JADE3: variants seen among roughly 807,000 people sequenced by gnomAD.
The protein encoded by JADE3 is jade family PHD finger 3.
Under a neutral mutation model 50.1 loss-of-function variants are expected in JADE3, and 2 were observed. The ratio of observed to expected loss-of-function variants is 0.04; its 90% CI spans 0.02 to 0.13. The LOEUF (loss-of-function observed/expected upper bound fraction) is 0.13, where lower values mean the gene tolerates loss of function less well. Among genes scored for constraint, JADE3 ranks in the 10% least tolerant of loss-of-function variants. JADE3 has a pLI of 1.00. For synonymous variants in JADE3, 218 were observed against 232.9 expected (o/e 0.94, Z 0.58); for missense variants, 475 against 634.4 (o/e 0.75, Z 2.70).
Position 47,059,569 on chromosome X carries a change from T to C in JADE3, c.*492T>C, listed in dbSNP as rs1266291917. ...GAGACCAGGAGACCACCATCTTAGATACTGTCAAACTCACTACTGTCTTCC... is the reference window on the plus strand; with the variant it reads ...GAGACCAGGAGACCACCATCTTAGACACTGTCAAACTCACTACTGTCTTCC... On this transcript the variant is annotated 3_prime_UTR_variant, in exon 11 of 11. Coordinates refer to ENST00000614628, the MANE Select transcript of JADE3 (RefSeq NM_014735.5). 3.5e-5 allele frequency: 4 copies of C among 113,581 alleles called. No individual in the cohort carries two copies. Among genetic ancestry groups the C allele is most frequent in the Non-Finnish European group, 7.4e-5 (4 of 54,419 alleles). 9.4% of individuals were successfully genotyped at this position (113,581 alleles called of 1,213,427 possible). A position where few individuals can be genotyped will look rare whatever the true frequency, so the allele number is the denominator to read the frequency against.
chrX:47,028,137 G>A, intron 6 of JADE3, 34 bp downstream of exon 6: 1 of 1,040,397 alleles, frequency 9.6e-7, no homozygotes, highest in Middle Eastern at 2.8e-4. Context: ...TCTCCCTACG[G>A]TCAGCCTTTC....
At chrX:47,048,074 T>C (rs962929466) in intron 8 of JADE3, among the ~76,000 whole-genome samples, 12 of 111,376 alleles carry the variant, frequency 1.1e-4, no homozygotes, top group Non-Finnish European at 1.7e-4. Context: ...TGTTCAGCGA[T>C]TTTATTGAGA....
At chrX:46,953,241 T>G (rs998696665) in intron 1 of JADE3, among the ~76,000 whole-genome samples, 27 of 78,863 alleles carry the variant, frequency 3.4e-4, no homozygotes, top group Non-Finnish European at 5.2e-4. Context: ...CACTCCAGTT[T>G]CTCTGAGCAT....
At chrX:47,035,382 A>G (rs1177218134) in intron 7 of JADE3, among the ~76,000 whole-genome samples, 1 of 112,021 alleles carries the variant, frequency 8.9e-6, no homozygotes, top group Non-Finnish European at 1.9e-5. Flanking sequence ...ATGGCTATAG[A>G]CATCAGTATT....
chrX:46,961,418 A>G (rs1927255967), intron 1 of JADE3, among the ~76,000 whole-genome samples: 2 of 112,560 alleles, frequency 1.8e-5, no homozygotes, highest in Admixed American at 1.9e-4. Context: ...AAAACAGTAA[A>G]TGAACAAAGG....
At chrX:47,010,066 T>C (rs1928523860) in intron 4 of JADE3, among the ~76,000 whole-genome samples, 1 of 111,411 alleles carries the variant, frequency 9.0e-6, no homozygotes, top group Admixed American at 9.6e-5. Flanking sequence ...TAAGTGATGT[T>C]TTAAATCAAA....
rs140569972 is a variant in JADE3 at position 46,979,538 on chromosome X, G to A, written c.-11-5346G>A. On this transcript the variant is annotated intron_variant, in intron 1 of 10. Coordinates refer to ENST00000614628, the MANE Select transcript of JADE3 (RefSeq NM_014735.5). ...CATCCATATGGAGGTTATATTCAGT[G>A]GGAACATAAACTTTCATTTCTCTGG... 7.9e-3 allele frequency among the ~76,000 whole-genome samples: 884 copies of A among 111,778 alleles called. 10 individuals are homozygous for A. The highest frequency in any genetic ancestry group is 0.012 in the Non-Finnish European group (616 of 53,147).
intron 8 of JADE3, 65 bp from the exon 9 acceptor site, chrX:47,054,093 C>A: frequency 1.3e-6 from 1 of 785,562 alleles, no homozygotes; most frequent in Non-Finnish European, 1.8e-6. Flanking sequence ...AATTTAGGTC[C>A]AGAAACATAG....
intron 1 of JADE3, among the ~76,000 whole-genome samples, chrX:46,962,577 A>G (rs1021600698): frequency 1.8e-5 from 2 of 110,301 alleles, no homozygotes; most frequent in Non-Finnish European, 1.9e-5. Context: ...TTGAATTGAG[A>G]AAAAAAAATG....
chrX:46,942,096 C>G lies in JADE3; in HGVS notation c.-12+29377C>G, dbSNP rs1450589315. 2.7e-5 allele frequency among the ~76,000 whole-genome samples: 3 copies of G among 110,350 alleles called. No homozygotes were observed. In the East Asian group the frequency reaches 8.4e-4, roughly 31 times the overall value. On this transcript the variant is annotated intron_variant, in intron 1 of 10. Transcript: ENST00000614628. Reference sequence around the variant, plus strand: ...TTTCACTTGTTGAATTTTTTAAGTTCCTTATAGATTCTAGATATTAGACCT... The same window carrying G: ...TTTCACTTGTTGAATTTTTTAAGTTGCTTATAGATTCTAGATATTAGACCT...
rs1556374935 is a variant in JADE3 at position 47,060,386 on chromosome X, G to A, written c.*1309G>A. 9.0e-6 allele frequency: 1 copy of A among 111,646 alleles called. No homozygotes were observed. The highest frequency in any genetic ancestry group is 3.8e-4 in the South Asian group (1 of 2,626). The allele number at this position is 111,646 out of a possible 1,213,427, so 9.2% of individuals were successfully genotyped here. On this transcript the variant is annotated 3_prime_UTR_variant, in exon 11 of 11. Coordinates refer to ENST00000614628, the MANE Select transcript of JADE3 (RefSeq NM_014735.5). ...ATTCTCTTTCTTCTAGTTTTGGAAA[G>A]TGTAGTGGGAATATTCAGACAAAAG...
intron 1 of JADE3, among the ~76,000 whole-genome samples, chrX:46,937,746 C>T (rs1248450735): frequency 9.0e-6 from 1 of 111,616 alleles, no homozygotes; most frequent in Non-Finnish European, 1.9e-5. Context: ...TTTGGGAGGC[C>T]GAGGCGGGCA....
At chrX:46,992,282 C>T (rs999845780) in intron 3 of JADE3, among the ~76,000 whole-genome samples, 3 of 109,792 alleles carry the variant, frequency 2.7e-5, no homozygotes, top group Non-Finnish European at 3.8e-5. Context: ...CTCCAGGTAC[C>T]GCCCCCTGCC....
At chrX:46,992,439 G>A (rs1348923978) in intron 3 of JADE3, among the ~76,000 whole-genome samples, 6 of 94,411 alleles carry the variant, frequency 6.4e-5, no homozygotes, top group African/African-American at 2.5e-4. Context: ...AGCATCCAGC[G>A]ATTCAAAATT....
At chrX:46,979,993 C>T in intron 1 of JADE3, among the ~76,000 whole-genome samples, 1 of 105,777 alleles carries the variant, frequency 9.5e-6, no homozygotes, top group African/African-American at 3.5e-5. Flanking sequence ...AATTCTCATG[C>T]CTCAGCCTCC....
rs1297998809 is a variant in JADE3, at chrX:47,054,265, A to C, written c.1080A>C (p.Ser360=). The C allele has an allele frequency of 8.3e-7, 1 of 1,209,346 alleles. No homozygotes were observed. Among genetic ancestry groups the C allele is most frequent in the Non-Finnish European group, 1.1e-6 (1 of 894,163 alleles). Residue 360 remains serine, a synonymous_variant, in exon 9 of 11, where the codon TCA becomes TCC. Transcript: ENST00000614628. ...AGGGAGACGAAGTGAAGTTCAAGTC[A>C]TATTGCCTCAAGCATAGCCAAAACA... ...LDEGDEVKFK[S]YCLKHSQNRQ...
intron 1 of JADE3, among the ~76,000 whole-genome samples, chrX:46,952,345 G>A (rs782726634): frequency 8.9e-6 from 1 of 112,051 alleles, no homozygotes; most frequent in Non-Finnish European, 1.9e-5. Context: ...TTTCTGTGGG[G>A]TGTAGTTCAA....
rs782743485 is a variant in JADE3 at position 47,038,930 on chromosome X, G to A, written c.856-19G>A. 2.1e-6 allele frequency: 2 copies of A among 938,614 alleles called. No individual in the cohort carries two copies. The highest frequency in any genetic ancestry group is 3.1e-6 in the Non-Finnish European group (2 of 651,549). The allele number at this position is 938,614 out of a possible 1,213,427, so 77.4% of individuals were successfully genotyped here. On this transcript the variant is annotated intron_variant, in intron 7 of 10. Transcript: ENST00000614628. ...GGATGCCTTGGTACTTCTGCCTTAT[G>A]GTGGTATTTTATTTGTAGGTCAGCA...
chrX:46,980,801 G>A (rs781891829), intron 1 of JADE3, among the ~76,000 whole-genome samples: 6 of 111,389 alleles, frequency 5.4e-5, no homozygotes, highest in African/African-American at 2.0e-4. Context: ...AGGCAGAGAT[G>A]TCCGTGTCCT....
Sources: gnomAD v4.1 joint callset for allele counts (sites outside exome capture counted in the v4.1 genomes callset) on GRCh38, gnomAD v4.1.1 for gene constraint, MANE v1.5 for transcripts, NCBI Gene and HGNC (gene_info 2026-07-23, HGNC 2026-07-21) for gene names.